The following SACM1L variants were observed in gnomAD, a reference collection of about 807,000 sequenced individuals.
SACM1L encodes the protein phosphatidylinositol-3-phosphatase SAC1.
A neutral mutation model predicts 89.5 loss-of-function variants in SACM1L; 32 were observed. That is an observed-to-expected ratio of 0.36 (90% CI 0.27 to 0.48). The LOEUF (loss-of-function observed/expected upper bound fraction) is 0.48. Among genes scored for constraint, SACM1L ranks in the 20% least tolerant of loss-of-function variants. The pLI, the probability that SACM1L is intolerant of heterozygous loss-of-function variation, is 0.99. For synonymous variants in SACM1L, 213 were observed against 232.8 expected, an observed-to-expected ratio of 0.92 and a Z score of 0.77; for missense variants, 543 against 708.5, an observed-to-expected ratio of 0.77 and a Z score of 2.65.
At chr3:45,699,594 C>T (rs1357817722) in intron 1 of SACM1L, among the ~76,000 whole-genome samples, 21 of 152,288 alleles carry the variant, frequency 1.4e-4, no homozygotes, top group Non-Finnish European at 7.4e-5. Context: ...ATGGCATGAT[C>T]TTGGCTCACT....
At chr3:45,741,406 T>C (rs1006728212) in intron 19 of SACM1L, among the ~76,000 whole-genome samples, 1 of 152,212 alleles carries the variant, frequency 6.6e-6, no homozygotes, top group Non-Finnish European at 1.5e-5. Flanking sequence ...GTATTTCTTT[T>C]TGGATGGTAA....
Position 45,744,843 on chromosome 3 carries a change from A to AC in SACM1L, c.*1174_*1175insC. 1.1e-5 allele frequency: 1 copy of AC among 89,858 alleles called. No homozygotes were observed. Among genetic ancestry groups the AC allele is most frequent in the Non-Finnish European group, 2.6e-5 (1 of 38,500 alleles). 5.6% of individuals were successfully genotyped at this position (89,858 alleles called of 1,614,324 possible). On this transcript the variant is annotated 3_prime_UTR_variant, in exon 20 of 20. Coordinates refer to ENST00000389061, the MANE Select transcript of SACM1L (RefSeq NM_014016.5). ...TATGTAAGGTAGTATAATTACCACTATTTTAAATAATTCAGTTAAACACTG... is the reference window on the plus strand; with the variant it reads ...TATGTAAGGTAGTATAATTACCACTACTTTTAAATAATTCAGTTAAACACTG...
intron 11 of SACM1L, among the ~76,000 whole-genome samples, chr3:45,725,163 A>G (rs560858974): frequency 5.3e-5 from 8 of 152,146 alleles, no homozygotes; most frequent in Non-Finnish European, 1.0e-4. Flanking sequence ...TATTTTGGCT[A>G]CTTGAGATCC....
At chr3:45,708,273 A>C (rs1029811986) in intron 4 of SACM1L, among the ~76,000 whole-genome samples, 2 of 152,138 alleles carry the variant, frequency 1.3e-5, no homozygotes, top group Non-Finnish European at 2.9e-5. Context: ...TGTGTATGAA[A>C]CTTACATGAA....
At chr3:45,706,757 T>A in intron 3 of SACM1L, 23 bp from the exon 4 acceptor site, 2 of 1,566,740 alleles carry the variant, frequency 1.3e-6, no homozygotes, top group Non-Finnish European at 1.7e-6. Context: ...TATAATTATG[T>A]GTGTTTGGCT....
At chr3:45,713,108 AT>A in intron 5 of SACM1L, 28 bp from the exon 6 acceptor site, 1 of 1,571,518 alleles carries the variant, frequency 6.4e-7, no homozygotes, top group African/African-American at 1.4e-5. Flanking sequence ...GGCAGGAGAT[AT>A]TTTATTAAAT....
At chr3:45,728,172 G>C (rs1011276281) in intron 11 of SACM1L, among the ~76,000 whole-genome samples, 4 of 151,998 alleles carry the variant, frequency 2.6e-5, no homozygotes, top group Non-Finnish European at 5.9e-5. Flanking sequence ...CAACCTATAT[G>C]TGTCTTTAGG....
rs776181746 is a variant in SACM1L at position 45,737,650 on chromosome 3, A to G, written c.1307A>G (p.Asn436Ser). Residue 436 changes from asparagine (N) to serine (S), a missense_variant and splice_region_variant, in exon 15 of 20, where the codon AAT (asparagine) becomes AGT (serine). Physicochemically the swap from Asn to Ser is conservative, Grantham distance 46 (BLOSUM62 1). Around this residue, in one of 2 missense-constraint regions of SACM1L, gnomAD observed 370 missense variants for 527.6 expected, o/e 0.70. Coordinates refer to ENST00000389061, the MANE Select transcript of SACM1L (RefSeq NM_014016.5). ...EQDEFEKIYK[N>S]AWADNANACA... ...GATGAATTTGAGAAGATTTACAAAAATGGTAGGTCATTTCTTTAATATAGA... is the reference window on the plus strand; with the variant it reads ...GATGAATTTGAGAAGATTTACAAAAGTGGTAGGTCATTTCTTTAATATAGA... 6.3e-7 allele frequency: 1 copy of G among 1,589,980 alleles called. No homozygotes were observed. Among genetic ancestry groups the G allele is most frequent in the Admixed American group, 1.9e-5 (1 of 51,880 alleles).
intron 11 of SACM1L, among the ~76,000 whole-genome samples, chr3:45,728,228 T>C (rs138531832): frequency 8.5e-5 from 13 of 152,348 alleles, no homozygotes; most frequent in African/African-American, 3.1e-4. Flanking sequence ...GATCATATTT[T>C]TTTCCATTTT....
At chr3:45,691,739 C>T (rs1351540144) in intron 1 of SACM1L, among the ~76,000 whole-genome samples, 1 of 152,002 alleles carries the variant, frequency 6.6e-6, no homozygotes, top group Non-Finnish European at 1.5e-5. Context: ...CTCAGCCTCT[C>T]GAGGAGCTAG....
rs1361856438 is a variant in SACM1L, at chr3:45,702,010, A to T, written c.33-1428A>T. Among the ~76,000 whole-genome samples the T allele has an allele frequency of 2.0e-5, 3 of 152,262 alleles. No individual in the cohort carries two copies. In the East Asian group the frequency reaches 5.8e-4, roughly 29 times the overall value. On this transcript the variant is annotated intron_variant, in intron 1 of 19. Coordinates refer to ENST00000389061, the MANE Select transcript of SACM1L (RefSeq NM_014016.5). Reference sequence around the variant, plus strand: ...AATGGAATGCTATTCAGTAATAAAAAGGAATGAATTGTTGTGTTCAGGTTA... The same window carrying T: ...AATGGAATGCTATTCAGTAATAAAATGGAATGAATTGTTGTGTTCAGGTTA...
intron 1 of SACM1L, 143 bp downstream of exon 1, chr3:45,689,640 G>T: frequency 9.5e-7 from 1 of 1,049,740 alleles, no homozygotes; most frequent in Non-Finnish European, 1.4e-6. Flanking sequence ...CAGCCGGCGC[G>T]GCCTCTCCTA....
At chr3:45,698,709 C>T (rs555424116) in intron 1 of SACM1L, among the ~76,000 whole-genome samples, 28 of 152,256 alleles carry the variant, frequency 1.8e-4, no homozygotes, top group African/African-American at 6.3e-4. Flanking sequence ...TGCCACCATG[C>T]CTGGCTAATT....
intron 1 of SACM1L, among the ~76,000 whole-genome samples, chr3:45,700,137 G>C (rs1190821736): frequency 6.6e-6 from 1 of 152,160 alleles, no homozygotes; most frequent in Non-Finnish European, 1.5e-5. Flanking sequence ...TCTGTTGGCT[G>C]TTTATCTAGA....
chr3:45,724,030 A>G (rs141617841), intron 11 of SACM1L, among the ~76,000 whole-genome samples: 86 of 151,996 alleles, frequency 5.7e-4, no homozygotes, highest in African/African-American at 2.0e-3. Flanking sequence ...CTATTGATGG[A>G]CATTTGGGTT....
chr3:45,715,873 T>G (rs1698645317), intron 7 of SACM1L, among the ~76,000 whole-genome samples: 1 of 151,976 alleles, frequency 6.6e-6, no homozygotes, highest in African/African-American at 2.4e-5. Flanking sequence ...AATGAGATTG[T>G]GAATGGACAA....
chr3:45,718,285 C>T (rs1698710805), intron 7 of SACM1L, among the ~76,000 whole-genome samples: 1 of 104,694 alleles, frequency 9.6e-6, no homozygotes, highest in Admixed American at 9.6e-5. Context: ...AGATTAATTC[C>T]TGTTATGTTA....
rs79229695 is a variant in SACM1L, at chr3:45,698,119, A to G, written c.33-5319A>G. Among the ~76,000 whole-genome samples, 527 of 152,348 alleles carry G rather than the reference A, an allele frequency of 3.5e-3. 4 individuals carry two copies. The highest frequency in any genetic ancestry group is 0.011 in the African/African-American group (468 of 41,588). On this transcript the variant is annotated intron_variant, in intron 1 of 19. Coordinates refer to ENST00000389061, the MANE Select transcript of SACM1L (RefSeq NM_014016.5). Reference sequence around the variant, plus strand: ...TAAAGTTAATTTCACTGGCTTTTGAAATGAAGCCCAGGAAGCATAAAACAT... The same window carrying G: ...TAAAGTTAATTTCACTGGCTTTTGAGATGAAGCCCAGGAAGCATAAAACAT...
rs937842024 is a variant in SACM1L at position 45,706,897 on chromosome 3, C to G, written c.323C>G (p.Thr108Ser). The change falls in exon 4 of 20, where the codon ACT (threonine) becomes AGT (serine). Residue 108 changes from threonine (T) to serine (S), a missense_variant. Around this residue, in one of 2 missense-constraint regions of SACM1L, gnomAD observed 173 missense variants for 180.9 expected, o/e 0.96. Coordinates refer to ENST00000389061, the MANE Select transcript of SACM1L (RefSeq NM_014016.5). Reference sequence around the variant, plus strand: ...TATAAGAAGACAATGTTGCACTTAACTGATATTCAGGTAAGAACTGGAAAT... The same window carrying G: ...TATAAGAAGACAATGTTGCACTTAAGTGATATTCAGGTAAGAACTGGAAAT... ...LSYKKTMLHL[T>S]DIQLQDNKTF... 2 of 1,612,996 alleles carry G rather than the reference C, an allele frequency of 1.2e-6. No individual in the cohort carries two copies. Among genetic ancestry groups the G allele is most frequent in the Non-Finnish European group, 1.7e-6 (2 of 1,179,480 alleles).
Sources: allele counts gnomAD v4.1 joint callset (sites outside exome capture counted in the v4.1 genomes callset), GRCh38; gene constraint gnomAD v4.1.1; regional missense constraint gnomAD v4.1.1; transcripts MANE v1.5; gene names NCBI Gene and HGNC (gene_info 2026-07-23, HGNC 2026-07-21).